Variants in TMA16 observed in about 807,000 individuals in gnomAD.
TMA16 encodes translation machinery-associated protein 16.
A neutral mutation model predicts 27.1 loss-of-function variants in TMA16; 26 were observed. That is an observed-to-expected ratio of 0.96 (90% CI 0.70 to 1.33). TMA16 has a LOEUF of 1.33. Among genes scored for constraint, TMA16 ranks in the 40% most tolerant of loss-of-function variants. The pLI is 0.00. For missense variants in TMA16, 233 were observed against 241.4 expected (o/e 0.97, Z 0.23); for synonymous variants, 71 against 81.9 (o/e 0.87, Z 0.72).
chr4:163,506,509 C>A (rs1737720097), intron 1 of TMA16, among the ~76,000 whole-genome samples: 1 of 152,050 alleles, frequency 6.6e-6, no homozygotes, highest in South Asian at 2.1e-4. Flanking sequence ...ATACATTTTT[C>A]CTTTTGGATA....
At chr4:163,501,034 G>T (rs1737643664) in intron 1 of TMA16, among the ~76,000 whole-genome samples, 1 of 152,124 alleles carries the variant, frequency 6.6e-6, no homozygotes, top group African/African-American at 2.4e-5. Flanking sequence ...TTTAAATGAG[G>T]TAAACATTTT....
In TMA16 at chr4:163,519,412, G is replaced by T. The variant is rs1737935225; in HGVS notation, c.510G>T (p.Thr170=). 2.5e-6 allele frequency: 4 copies of T among 1,606,458 alleles called. No homozygotes were observed. Among genetic ancestry groups the T allele is most frequent in the Non-Finnish European group, 2.5e-6 (3 of 1,177,416 alleles). Residue 170 remains threonine (T), a synonymous_variant, in exon 7 of 7, where the codon ACG becomes ACT. Coordinates refer to ENST00000358572, the MANE Select transcript of TMA16 (RefSeq NM_018352.3). The stretch of plus-strand genomic sequence containing the variant: ...GCGCTAATGATGCAATTCCCAAGAC[G>T]TGCAAGAGGAAAACTATTATAACTG... ...KICANDAIPK[T]CKRKTIITVD...
chr4:163,510,449 A>G (rs542235009), intron 2 of TMA16, among the ~76,000 whole-genome samples: 10 of 152,256 alleles, frequency 6.6e-5, no homozygotes, highest in African/African-American at 1.4e-4. Flanking sequence ...GGTGAGATTT[A>G]TCTTTCTAAT....
At chr4:163,500,213 T>TC (rs1441439335) in intron 1 of TMA16, among the ~76,000 whole-genome samples, 12 of 147,748 alleles carry the variant, frequency 8.1e-5, no homozygotes, top group Admixed American at 6.0e-4. Context: ...TTTCTTTCTT[T>TC]TTTTTTTTTT....
intron 6 of TMA16, 108 bp from the exon 7 acceptor site, chr4:163,519,226 T>G: frequency 9.9e-7 from 1 of 1,015,116 alleles, no homozygotes. Context: ...GCTTTTGAAG[T>G]TTTGAATATG....
chr4:163,519,172 T>C (rs1737928873), intron 6 of TMA16, among the ~76,000 whole-genome samples, 162 bp from the exon 7 acceptor site: 1 of 152,152 alleles, frequency 6.6e-6, no homozygotes, highest in Non-Finnish European at 1.5e-5. Flanking sequence ...GATGAAAGAA[T>C]AGAACAGCTT....
chr4:163,494,985 C>T lies in TMA16; in HGVS notation c.3+181C>T, dbSNP rs562019402. 6.5e-5 allele frequency: 56 copies of T among 860,788 alleles called. No individual in the cohort carries two copies. The South Asian group carries it at 6.8e-4, about 10-fold the overall frequency. The allele number at this position is 860,788 out of a possible 1,614,324, so 53.3% of individuals were successfully genotyped here. A position where few individuals can be genotyped will look rare whatever the true frequency, so the allele number is the denominator to read the frequency against. On this transcript the variant is annotated intron_variant, in intron 1 of 6. Transcript: ENST00000358572. Reference sequence around the variant, plus strand: ...TCTGGGAGGCGAGTCCCAGGCCCAACGCCTGGACCTTAGAGTTCCGCGTCC... The same window carrying T: ...TCTGGGAGGCGAGTCCCAGGCCCAATGCCTGGACCTTAGAGTTCCGCGTCC...
At chr4:163,515,793 T>G (rs1379879395) in intron 5 of TMA16, 1 of 177,086 alleles carries the variant, frequency 5.6e-6, no homozygotes, top group African/African-American at 2.4e-5. Context: ...AACTCTCTAC[T>G]TGCATGTCTT....
intron 1 of TMA16, among the ~76,000 whole-genome samples, chr4:163,506,787 C>T (rs1167655288): frequency 1.3e-5 from 2 of 152,134 alleles, no homozygotes; most frequent in Non-Finnish European, 2.9e-5. Flanking sequence ...TTATTGACTC[C>T]TTCTGTGCCT....
intron 1 of TMA16, among the ~76,000 whole-genome samples, chr4:163,501,600 C>T (rs911420716): frequency 2.0e-5 from 3 of 152,104 alleles, no homozygotes; most frequent in African/African-American, 7.2e-5. Context: ...GATGTTGTTT[C>T]GTTGCAAAGA....
intron 2 of TMA16, among the ~76,000 whole-genome samples, chr4:163,508,701 A>G (rs1737750687): frequency 6.6e-6 from 1 of 152,208 alleles, no homozygotes; most frequent in African/African-American, 2.4e-5. Context: ...CTTACCTTAC[A>G]TATAGTACCA....
chr4:163,515,683 T>C, intron 5 of TMA16: 1 of 476,848 alleles, frequency 2.1e-6, no homozygotes. Flanking sequence ...ATCATGTCTT[T>C]TTTACCGTGA....
At chr4:163,495,508 C>T (rs1438292858) in intron 1 of TMA16, among the ~76,000 whole-genome samples, 3 of 152,126 alleles carry the variant, frequency 2.0e-5, no homozygotes, top group African/African-American at 7.2e-5. Context: ...AATTTCACTA[C>T]TTTTCTTTAT....
chr4:163,518,176 G>A (rs909066116), intron 6 of TMA16, among the ~76,000 whole-genome samples: 2 of 151,948 alleles, frequency 1.3e-5, no homozygotes, highest in African/African-American at 4.8e-5. Flanking sequence ...TTGTTCCCTT[G>A]TTTATGACCT....
At chr4:163,514,784 G>A (rs985272846) in intron 4 of TMA16, among the ~76,000 whole-genome samples, 2 of 152,176 alleles carry the variant, frequency 1.3e-5, no homozygotes, top group Non-Finnish European at 2.9e-5. Context: ...AACAATCCAG[G>A]CCAGAAATGA....
chr4:163,508,464 C>G (rs1203357280), intron 2 of TMA16, among the ~76,000 whole-genome samples: 2 of 152,046 alleles, frequency 1.3e-5, no homozygotes, highest in Non-Finnish European at 2.9e-5. Context: ...TATTTTTTCT[C>G]TCTTAAAATC....
Position 163,512,874 on chromosome 4 carries a change from T to G in TMA16, c.154+15T>G, listed in dbSNP as rs1737818532. Reference sequence around the variant, plus strand: ...CAACCTTGTTGGTAAGTGGGTTTACTTATTTGAAACTCTGGCTAGAGTATA... The same window carrying G: ...CAACCTTGTTGGTAAGTGGGTTTACGTATTTGAAACTCTGGCTAGAGTATA... On this transcript the variant is annotated intron_variant, in intron 3 of 6. Transcript: ENST00000358572. 1 of 1,602,066 alleles carries G rather than the reference T, an allele frequency of 6.2e-7. No individual in the cohort carries two copies. The highest frequency in any genetic ancestry group is 8.5e-7 in the Non-Finnish European group (1 of 1,172,240).
intron 1 of TMA16, 94 bp from the exon 2 acceptor site, chr4:163,506,939 T>G (rs1483428163): frequency 1.0e-6 from 1 of 971,026 alleles, no homozygotes; most frequent in African/African-American, 1.7e-5. Flanking sequence ...TCTGTCATAT[T>G]ACTGTTTTTA....
intron 1 of TMA16, among the ~76,000 whole-genome samples, chr4:163,500,634 A>G (rs1174532887): frequency 1.3e-5 from 2 of 152,192 alleles, no homozygotes; most frequent in African/African-American, 4.8e-5. Context: ...TTGTCAGTGA[A>G]AAAGAATGCC....
Sources: allele counts gnomAD v4.1 joint callset (sites outside exome capture counted in the v4.1 genomes callset), GRCh38; gene constraint gnomAD v4.1.1; transcripts MANE v1.5; gene names NCBI Gene and HGNC (gene_info 2026-07-23, HGNC 2026-07-21).